ATP10B: variants seen among roughly 807,000 people sequenced by gnomAD.
ATP10B encodes the protein ATPase phospholipid transporting 10B (putative).
In ATP10B, 122 loss-of-function variants were observed where a neutral mutation model predicts 141.2. That is an observed-to-expected ratio of 0.86 (90% CI 0.75 to 1.00). ATP10B has a LOEUF of 1.00. ATP10B is among the 50% of genes least tolerant of loss of function. ATP10B has a pLI of 0.00. For synonymous variants in ATP10B, 685 were observed against 692.0 expected (o/e 0.99, Z 0.16); for missense variants, 1,876 against 1,825.3 (o/e 1.03, Z -0.51).
intron 2 of ATP10B, among the ~76,000 whole-genome samples, chr5:160,735,742 A>C (rs1767072364): frequency 6.6e-6 from 1 of 152,200 alleles, no homozygotes; most frequent in African/African-American, 2.4e-5. Context: ...ACCATATGTT[A>C]GGTCACAAAA....
At chr5:160,873,239 A>T in the ATP10B span, among the ~76,000 whole-genome samples, 13 of 151,994 alleles carry the variant, frequency 8.6e-5, no homozygotes, top group Admixed American at 8.5e-4. Flanking sequence ...GAAACAGAGG[A>T]GAACTTCCTC....
At chr5:160,719,159 G>T (rs1765838630) in intron 2 of ATP10B, among the ~76,000 whole-genome samples, 1 of 152,220 alleles carries the variant, frequency 6.6e-6, no homozygotes, top group Non-Finnish European at 1.5e-5. Flanking sequence ...CCAGCACTTT[G>T]TGAGGCTGAG....
chr5:160,783,428 G>C (rs1208975356), intron 2 of ATP10B, among the ~76,000 whole-genome samples: 1 of 83,198 alleles, frequency 1.2e-5, no homozygotes, highest in Non-Finnish European at 2.3e-5. Context: ...ATATATCCAT[G>C]GATAGATATA....
chr5:160,670,005 A>G (rs538567086), intron 7 of ATP10B, among the ~76,000 whole-genome samples: 24 of 152,134 alleles, frequency 1.6e-4, no homozygotes, highest in Admixed American at 5.2e-4. Context: ...AAATGGAAAC[A>G]TAGTTAATGA....
At chr5:160,687,775 A>G (rs1561754568) in intron 5 of ATP10B, 25 bp downstream of exon 5, 1 of 1,602,744 alleles carries the variant, frequency 6.2e-7, no homozygotes, top group African/African-American at 1.3e-5. Context: ...TAAAAAGAGT[A>G]TTGTTCAGAC....
At position 160,615,836 on chromosome 5, in the gene ATP10B, A is replaced by G; in HGVS notation, c.2653+2T>C. The G allele has an allele frequency of 6.2e-7, 1 of 1,609,052 alleles. No homozygotes were observed. Among genetic ancestry groups the G allele is most frequent in the Non-Finnish European group, 8.5e-7 (1 of 1,176,150 alleles). On this transcript the variant is annotated splice_donor_variant, in intron 17 of 25. Transcript: ENST00000327245. LOFTEE classifies it high-confidence loss of function. ...CTATAATAATGACTTATTTTTAGCTACCAAGTAAGGTGAGTTGATTCTCCA... is the reference window on the plus strand; with the variant it reads ...CTATAATAATGACTTATTTTTAGCTGCCAAGTAAGGTGAGTTGATTCTCCA...
At chr5:160,652,914 TATATATA>T (rs1760935233) in intron 7 of ATP10B, among the ~76,000 whole-genome samples, 1 of 67,430 alleles carries the variant, frequency 1.5e-5, no homozygotes, top group Non-Finnish European at 2.4e-5. Context: ...TATATACATG[TATATATA>T]ATATATTATA....
At chr5:160,813,259 C>A (rs767309532) in intron 1 of ATP10B, among the ~76,000 whole-genome samples, 1 of 152,230 alleles carries the variant, frequency 6.6e-6, no homozygotes, top group Non-Finnish European at 1.5e-5. Context: ...ACAGATGGCA[C>A]CTGGAAAATC....
intron 7 of ATP10B, among the ~76,000 whole-genome samples, chr5:160,668,635 C>G: frequency 6.6e-6 from 1 of 152,288 alleles, no homozygotes; most frequent in East Asian, 1.9e-4. Flanking sequence ...GCCTGGAGAC[C>G]AGTGGACATG....
chr5:160,842,808 C>CCACACA (rs140556592), intron 1 of ATP10B, among the ~76,000 whole-genome samples: 10 of 150,290 alleles, frequency 6.7e-5, no homozygotes, highest in African/African-American at 2.2e-4. Context: ...TAAAACATTC[C>CCACACA]CACACACACA....
At chr5:160,836,909 T>A (rs1447667935) in intron 1 of ATP10B, among the ~76,000 whole-genome samples, 6 of 152,130 alleles carry the variant, frequency 3.9e-5, no homozygotes, top group Non-Finnish European at 7.4e-5. Context: ...TAGATTCTCC[T>A]CCTAGAGCGA....
At chr5:160,766,771 T>C (rs545190931) in intron 2 of ATP10B, among the ~76,000 whole-genome samples, 1 of 152,300 alleles carries the variant, frequency 6.6e-6, no homozygotes, top group East Asian at 1.9e-4. Context: ...AAGGACATGA[T>C]CTTAGAATAA....
intron 13 of ATP10B, among the ~76,000 whole-genome samples, chr5:160,627,698 A>G (rs561972613): frequency 6.6e-6 from 1 of 152,198 alleles, no homozygotes; most frequent in Non-Finnish European, 1.5e-5. Flanking sequence ...AAAATAAAAG[A>G]TGAGGCAGCT....
At position 160,636,171 on chromosome 5, in the gene ATP10B, G is replaced by A. The variant is rs1759351309; in HGVS notation, c.1128+11C>T. Reference sequence around the variant, plus strand: ...ATCTTATTGGGCCCCTAGTTAGGGAGGGCTTCCTACCTGGAGCAGGATGAT... The same window carrying A: ...ATCTTATTGGGCCCCTAGTTAGGGAAGGCTTCCTACCTGGAGCAGGATGAT... On this transcript the variant is annotated intron_variant, in intron 11 of 25. Coordinates refer to ENST00000327245, the MANE Select transcript of ATP10B (RefSeq NM_025153.3). 2.5e-6 allele frequency: 4 copies of A among 1,588,882 alleles called. No individual in the cohort carries two copies. The East Asian group carries it at 9.0e-5, about 36-fold the overall frequency.
intron 1 of ATP10B, among the ~76,000 whole-genome samples, chr5:160,801,090 C>G (rs560866211): frequency 6.6e-6 from 1 of 152,182 alleles, no homozygotes; most frequent in African/African-American, 2.4e-5. Flanking sequence ...TTGGCCTCCT[C>G]CTTGATATCT....
chr5:160,756,773 C>A (rs1768647196), intron 2 of ATP10B, among the ~76,000 whole-genome samples: 1 of 151,952 alleles, frequency 6.6e-6, no homozygotes, highest in Admixed American at 6.6e-5. Context: ...GCATGCACTG[C>A]ATAATAATCA....
chr5:160,629,680 T>C (rs1418386498), intron 13 of ATP10B, among the ~76,000 whole-genome samples: 1 of 152,196 alleles, frequency 6.6e-6, no homozygotes, highest in Non-Finnish European at 1.5e-5. Flanking sequence ...GAACACACAA[T>C]TTTAAGAATT....
chr5:160,642,653 G>T (rs1212609548), intron 9 of ATP10B, among the ~76,000 whole-genome samples: 1 of 152,264 alleles, frequency 6.6e-6, no homozygotes, highest in African/African-American at 2.4e-5. Context: ...GAGAACCCCA[G>T]CTCTAGATAA....
At chr5:160,808,541 A>G (rs1772939563) in intron 1 of ATP10B, among the ~76,000 whole-genome samples, 1 of 152,172 alleles carries the variant, frequency 6.6e-6, no homozygotes, top group Admixed American at 6.5e-5. Context: ...CCTAATTATC[A>G]TTCCATTTAA....
Sources: gnomAD v4.1 joint callset for allele counts (sites outside exome capture counted in the v4.1 genomes callset) on GRCh38, gnomAD v4.1.1 for gene constraint, MANE v1.5 for transcripts, NCBI Gene and HGNC (gene_info 2026-07-23, HGNC 2026-07-21) for gene names.